The following TFAP4 variants were observed in gnomAD, a reference collection of about 807,000 sequenced individuals.
TFAP4 encodes the protein activating enhancer-binding protein 4.
TFAP4 carries 7 observed loss-of-function variants against 40.4 expected under a neutral mutation model. The ratio of observed to expected loss-of-function variants is 0.17; its 90% confidence interval spans 0.10 to 0.33. The LOEUF (loss-of-function observed/expected upper bound fraction) is 0.33. TFAP4 is among the 10% of genes least tolerant of loss of function. The pLI is 1.00. For synonymous variants in TFAP4, 218 were observed against 181.4 expected (o/e 1.20, Z -1.62); for missense variants, 374 against 451.1 (o/e 0.83, Z 1.55).
In TFAP4 at chr16:4,258,044, T is replaced by TGGGGGGGTA; in HGVS notation, c.*2_*10dup. 1 of 1,607,326 alleles carries TGGGGGGGTA rather than the reference T, an allele frequency of 6.2e-7. No homozygotes were observed. Among genetic ancestry groups the TGGGGGGGTA allele is most frequent in the Non-Finnish European group, 8.5e-7 (1 of 1,178,344 alleles). On this transcript the variant is annotated 3_prime_UTR_variant, in exon 7 of 7. Transcript: ENST00000204517. Reference sequence around the variant, plus strand: ...CAGCCCCCAGAAGGGAGAGGAGGGCTGGGGGGGTAGTCAGGGAAGCTCCCC... The same window carrying TGGGGGGGTA: ...CAGCCCCCAGAAGGGAGAGGAGGGCTGGGGGGGTAGGGGGGGTAGTCAGGGAAGCTCCCC...
At chr16:4,271,258 C>T (rs1305684192) in intron 1 of TFAP4, among the ~76,000 whole-genome samples, 3 of 152,218 alleles carry the variant, frequency 2.0e-5, no homozygotes, top group African/African-American at 7.2e-5. Context: ...CCCTCCAGGC[C>T]GGATTCTGCA....
chr16:4,262,265 T>C (rs2052956127), intron 3 of TFAP4, 59 bp downstream of exon 3: 1 of 1,577,556 alleles, frequency 6.3e-7, no homozygotes, highest in Admixed American at 1.7e-5. Context: ...CCCAGGCCCA[T>C]GGCTGGGTCC....
At chr16:4,259,919 A>T (rs113376057) in intron 6 of TFAP4, among the ~76,000 whole-genome samples, 171 bp downstream of exon 6, 16 of 152,266 alleles carry the variant, frequency 1.1e-4, no homozygotes, top group African/African-American at 3.9e-4. Flanking sequence ...TGGCCCTCAC[A>T]TTCTCCACTT....
chr16:4,262,525 C>T lies in TFAP4; in HGVS notation c.255+11G>A, dbSNP rs1334970095. On this transcript the variant is annotated intron_variant, in intron 2 of 6. Coordinates refer to ENST00000204517, the MANE Select transcript of TFAP4 (RefSeq NM_003223.3). Reference sequence around the variant, plus strand: ...CGGCTCCTCCAGGAAGCCCTCCCTGCTCTCACCCACCTTGCTGAGCTTCTC... The same window carrying T: ...CGGCTCCTCCAGGAAGCCCTCCCTGTTCTCACCCACCTTGCTGAGCTTCTC... 3.1e-6 allele frequency: 5 copies of T among 1,612,516 alleles called. No individual in the cohort carries two copies. Among genetic ancestry groups the T allele is most frequent in the Non-Finnish European group, 4.2e-6 (5 of 1,180,020 alleles).
In TFAP4 at chr16:4,260,001, C is replaced by T. The variant is rs1037253718; in HGVS notation, c.822+89G>A. The T allele has an allele frequency of 1.1e-4, 162 of 1,451,596 alleles. 1 individual carries two copies. Among genetic ancestry groups the T allele is most frequent in the East Asian group, 3.0e-4 (12 of 39,402 alleles). 89.9% of individuals were successfully genotyped at this position (1,451,596 alleles called of 1,614,324 possible). ...TTCCCACACAAGCACCATCTTCCTC[C>T]GCTTCTGCCCCTCTTTTCCAGTCTC... On this transcript the variant is annotated intron_variant, in intron 6 of 6. Coordinates refer to ENST00000204517, the MANE Select transcript of TFAP4 (RefSeq NM_003223.3).
intron 1 of TFAP4, among the ~76,000 whole-genome samples, chr16:4,269,260 G>A (rs982550510): frequency 1.3e-5 from 2 of 151,820 alleles, no homozygotes; most frequent in East Asian, 2.0e-4. Flanking sequence ...TTGGGAGGCC[G>A]AGGTGGGCAG....
intron 1 of TFAP4, chr16:4,264,837 G>C (rs953929164): frequency 1.3e-5 from 2 of 152,390 alleles, no homozygotes; most frequent in African/African-American, 2.4e-5. Context: ...GGGCTCTTTG[G>C]AGGTAAGAGG....
At chr16:4,270,999 A>G (rs2053035723) in intron 1 of TFAP4, among the ~76,000 whole-genome samples, 2 of 152,252 alleles carry the variant, frequency 1.3e-5, no homozygotes, top group Non-Finnish European at 2.9e-5. Context: ...ATGACAACTC[A>G]GTGAGAAAAT....
chr16:4,263,797 C>A lies in TFAP4; in HGVS notation c.90-1096G>T, dbSNP rs567471160. On this transcript the variant is annotated intron_variant, in intron 1 of 6. Transcript: ENST00000204517. ...TGGCTGCTGGCTGGGGGCGTGGCTT[C>A]GGACGAGGGCGGGGCGTGTGCGCCA... 111 of 153,350 alleles carry A rather than the reference C, an allele frequency of 7.2e-4. 3 individuals carry two copies. The East Asian group carries it at 0.019, about 26-fold the overall frequency. 9.5% of individuals were successfully genotyped at this position (153,350 alleles called of 1,614,324 possible).
intron 1 of TFAP4, among the ~76,000 whole-genome samples, chr16:4,269,613 C>T (rs1027693346): frequency 6.6e-6 from 1 of 151,398 alleles, no homozygotes; most frequent in African/African-American, 2.4e-5. Flanking sequence ...AGATCGAGAC[C>T]ATCCTGGCCA....
intron 1 of TFAP4, 135 bp from the exon 2 acceptor site, chr16:4,262,836 G>T: frequency 1.0e-6 from 1 of 1,002,722 alleles, no homozygotes; most frequent in Non-Finnish European, 1.5e-6. Flanking sequence ...ATGGAGGGGT[G>T]CTCTCTGGGA....
At chr16:4,269,075 G>A (rs973979165) in intron 1 of TFAP4, among the ~76,000 whole-genome samples, 1 of 150,328 alleles carries the variant, frequency 6.7e-6, no homozygotes, top group Non-Finnish European at 1.5e-5. Flanking sequence ...TTTTGTAGAG[G>A]TGGGGTCTTG....
chr16:4,262,859 C>T, intron 1 of TFAP4, 158 bp from the exon 2 acceptor site: 1 of 775,112 alleles, frequency 1.3e-6, no homozygotes, highest in South Asian at 1.7e-5. Flanking sequence ...CCGGGGCGGA[C>T]TGAATCAGCT....
chr16:4,261,833 C>G lies in TFAP4; in HGVS notation c.471G>C (p.Glu157Asp). 6.2e-7 allele frequency: 1 copy of G among 1,612,932 alleles called. No individual in the cohort carries two copies. Among genetic ancestry groups the G allele is most frequent in the Non-Finnish European group, 8.5e-7 (1 of 1,179,676 alleles). Reference protein sequence around the residue: ...KAEDLRREMIELRQQLDKERS... With the variant: ...KAEDLRREMIDLRQQLDKERS... ...GCTCCTTGTCCAGCTGCTGCCGCAG[C>G]TCAATCATCTCCCGCCGCAGGTCCT... Residue 157 changes from glutamate to aspartate, a missense_variant, in exon 4 of 7, where the codon GAG becomes GAC. Physicochemically the swap from Glu to Asp is conservative, Grantham distance 45. Around this residue, in one of 6 missense-constraint regions of TFAP4, gnomAD observed 161 missense variants for 154.2 expected, o/e 1.04. Transcript: ENST00000204517.
At chr16:4,265,608 T>TCAAA (rs1555459400) in intron 1 of TFAP4, 3 of 11,854 alleles carry the variant, frequency 2.5e-4, no homozygotes, top group Admixed American at 1.7e-3. Context: ...AGACCTTGTC[T>TCAAA]CAAAAAAAAA....
intron 1 of TFAP4, among the ~76,000 whole-genome samples, chr16:4,272,048 C>G (rs1412067918): frequency 6.6e-6 from 1 of 151,418 alleles, no homozygotes; most frequent in African/African-American, 2.4e-5. Context: ...TGCCCCGGGC[C>G]GCGGCGCCCC....
Position 4,260,468 on chromosome 16 carries a change from T to C in TFAP4, c.653A>G (p.Gln218Arg). The C allele has an allele frequency of 6.3e-7, 1 of 1,596,666 alleles. No individual in the cohort carries two copies. The change falls in exon 5 of 7, where the codon CAG (glutamine) becomes CGG (arginine). Residue 218 changes from glutamine to arginine, a missense_variant. Around this residue, in one of 6 missense-constraint regions of TFAP4, gnomAD observed 161 missense variants for 154.2 expected, o/e 1.04. Transcript: ENST00000204517. ...HQEKLEREQQ[Q>R]LRTQLLPPPA... ...CCTCCTGCTCACCTGGGTCCGCAGCTGCTGCTGTTCCCGCTCCAGCTTCTC... is the reference window on the plus strand; with the variant it reads ...CCTCCTGCTCACCTGGGTCCGCAGCCGCTGCTGTTCCCGCTCCAGCTTCTC...
chr16:4,260,156 G>A lies in TFAP4; in HGVS notation c.756C>T (p.Thr252=), dbSNP rs970979634. 34 of 1,608,680 alleles carry A rather than the reference G, an allele frequency of 2.1e-5. No individual in the cohort carries two copies. Among genetic ancestry groups the A allele is most frequent in the Middle Eastern group, 1.7e-4 (1 of 6,058 alleles). Residue 252 remains threonine, a synonymous_variant, in exon 6 of 7, where the codon ACC becomes ACT. Coordinates refer to ENST00000204517, the MANE Select transcript of TFAP4 (RefSeq NM_003223.3). ...PPPSHHINVV[T]MGPSSVINSV... ...AGTTGATGACCGAGGAGGGGCCCAT[G>A]GTGACGACATTGATGTGGTGGGAGG...
chr16:4,269,897 G>A (rs2053028175), intron 1 of TFAP4, among the ~76,000 whole-genome samples: 1 of 152,172 alleles, frequency 6.6e-6, no homozygotes, highest in Non-Finnish European at 1.5e-5. Flanking sequence ...TTAAGACTCA[G>A]TGGCTGGGCG....
Sources: allele counts gnomAD v4.1 joint callset (sites outside exome capture counted in the v4.1 genomes callset), GRCh38; gene constraint gnomAD v4.1.1; regional missense constraint gnomAD v4.1.1; transcripts MANE v1.5; gene names NCBI Gene and HGNC (gene_info 2026-07-23, HGNC 2026-07-21).